CNGB3: variants seen among roughly 807,000 people sequenced by gnomAD.
The protein encoded by CNGB3 is cyclic nucleotide-gated channel beta-3.
In CNGB3, 86 loss-of-function variants were observed where a neutral mutation model predicts 92.8. The ratio of observed to expected loss-of-function variants is 0.93; its 90% CI spans 0.78 to 1.11. CNGB3 has a LOEUF of 1.11. Ranked by LOEUF, CNGB3 falls within the 50% of genes least tolerant of loss-of-function variation. The pLI, the probability that CNGB3 is intolerant of heterozygous loss-of-function variation, is 0.00. For synonymous variants in CNGB3, 333 were observed against 332.7 expected, an observed-to-expected ratio of 1.00 and a Z score of -0.01; for missense variants, 1,026 against 956.8, an observed-to-expected ratio of 1.07 and a Z score of -0.95.
At chr8:86,653,102 C>T (rs186183547) in intron 7 of CNGB3, among the ~76,000 whole-genome samples, 38 of 152,080 alleles carry the variant, frequency 2.5e-4, no homozygotes, top group Admixed American at 6.6e-4. Flanking sequence ...GGACCATCAC[C>T]ATATATGTGG....
Position 86,610,992 on chromosome 8 carries a change from TATG to T in CNGB3, c.1662+593_1662+595del, listed in dbSNP as rs372520496. Among the ~76,000 whole-genome samples, 324 of 152,334 alleles carry T rather than the reference TATG, an allele frequency of 2.1e-3. 1 individual carries two copies. Among genetic ancestry groups the T allele is most frequent in the South Asian group, 0.013 (65 of 4,830 alleles). ...AACATGTTTCAGAACATATGTACAG[TATG>T]ATGCCACTTTTATAGCACAAGCTTT... is the stretch of plus-strand genomic sequence containing the variant. On this transcript the variant is annotated intron_variant, in intron 14 of 17. Coordinates refer to ENST00000320005, the MANE Select transcript of CNGB3 (RefSeq NM_019098.5).
chr8:86,659,359 G>C, intron 6 of CNGB3: 1 of 981,746 alleles, frequency 1.0e-6, no homozygotes, highest in Non-Finnish European at 1.6e-6. Flanking sequence ...GCATCAGGGG[G>C]TTCACACTGG....
rs1013499315 is a variant in CNGB3 at position 86,728,291 on chromosome 8, C to A, written c.212-1634G>T. Among the ~76,000 whole-genome samples the A allele has an allele frequency of 2.6e-5, 4 of 152,008 alleles. No individual in the cohort carries two copies. In the East Asian group the frequency reaches 7.7e-4, roughly 29 times the overall value. On this transcript the variant is annotated intron_variant, in intron 2 of 17. Coordinates refer to ENST00000320005, the MANE Select transcript of CNGB3 (RefSeq NM_019098.5). ...AATATTGAAAGTTGTAGGATAGGGACCCTTCTGTACAGGCACATGTGGTAC... is the reference window on the plus strand; with the variant it reads ...AATATTGAAAGTTGTAGGATAGGGAACCTTCTGTACAGGCACATGTGGTAC...
chr8:86,711,683 C>T (rs1824752035), intron 3 of CNGB3, among the ~76,000 whole-genome samples: 1 of 152,076 alleles, frequency 6.6e-6, no homozygotes, highest in Non-Finnish European at 1.5e-5. Context: ...CATGTCTAAC[C>T]ACCTACCTGT....
intron 2 of CNGB3, among the ~76,000 whole-genome samples, chr8:86,734,088 T>G (rs369177777): frequency 6.6e-6 from 1 of 152,092 alleles, no homozygotes; most frequent in African/African-American, 2.4e-5. Context: ...CCCAGGCTGG[T>G]CTCAGGAAAT....
chr8:86,615,460 G>T lies in CNGB3; in HGVS notation c.1579-3789C>A, dbSNP rs1822600662. On this transcript the variant is annotated intron_variant, in intron 13 of 17. Transcript: ENST00000320005. ...TCTACTAAAAATACAAAAATTAGCT[G>T]GGCATGGTGACACGTGACTGTAATC... 2.6e-5 allele frequency among the ~76,000 whole-genome samples: 4 copies of T among 151,990 alleles called. No individual in the cohort carries two copies. The South Asian group carries it at 8.4e-4, about 32-fold the overall frequency.
intron 3 of CNGB3, among the ~76,000 whole-genome samples, chr8:86,695,425 C>T (rs1188345822): frequency 6.6e-6 from 1 of 152,092 alleles, no homozygotes; most frequent in Non-Finnish European, 1.5e-5. Flanking sequence ...CTCTGAAGTT[C>T]ATTCTTCTAC....
intron 15 of CNGB3, among the ~76,000 whole-genome samples, chr8:86,591,627 A>G (rs557980729): frequency 3.7e-4 from 56 of 152,194 alleles, no homozygotes; most frequent in South Asian, 2.7e-3. Flanking sequence ...CCCCTGCTGG[A>G]GGGTGCCTCC....
At position 86,739,681 on chromosome 8, in the gene CNGB3, G is replaced by A; in HGVS notation, c.185C>T (p.Ser62Phe). ...TTGTATGTTGGTGTGTGGCTCTTCA[G>A]ACGTGACTGGAGTTGACTTGGTTTT... ...SLKTKSTPVT[S>F]EEPHTNIQDK... is the part of the protein sequence containing the mutation. Residue 62 changes from serine (S) to phenylalanine (F), a missense_variant, in exon 2 of 18, where the codon TCT (serine) becomes TTT (phenylalanine). Physicochemically the swap from Ser to Phe is radical, Grantham distance 155 (BLOSUM62 -2). Coordinates refer to ENST00000320005, the MANE Select transcript of CNGB3 (RefSeq NM_019098.5). 6.2e-7 allele frequency: 1 copy of A among 1,605,242 alleles called. No individual in the cohort carries two copies. The highest frequency in any genetic ancestry group is 8.5e-7 in the Non-Finnish European group (1 of 1,177,684).
Position 86,587,256 on chromosome 8 carries a change from G to C in CNGB3, c.1782-8004C>G, listed in dbSNP as rs992443809. On this transcript the variant is annotated intron_variant, in intron 15 of 17. Coordinates refer to ENST00000320005, the MANE Select transcript of CNGB3 (RefSeq NM_019098.5). ...ATATTAGCCCTTTGTCAGATGAGTA[G>C]GTTGCAAAAATTTTCTCCCATTTTG... Among the ~76,000 whole-genome samples, 76 of 151,774 alleles carry C rather than the reference G, an allele frequency of 5.0e-4. 1 individual carries two copies. The highest frequency in any genetic ancestry group is 1.8e-3 in the African/African-American group (74 of 41,300).
rs1585940644 is a variant in CNGB3 at position 86,575,508 on chromosome 8, G to A, written c.*296C>T. On this transcript the variant is annotated 3_prime_UTR_variant, in exon 18 of 18. Coordinates refer to ENST00000320005, the MANE Select transcript of CNGB3 (RefSeq NM_019098.5). Reference sequence around the variant, plus strand: ...CAAGAGCAAGCTAATAAAACTGGAAGGAAGAGACATCATCAGGAAAGAACC... The same window carrying A: ...CAAGAGCAAGCTAATAAAACTGGAAAGAAGAGACATCATCAGGAAAGAACC... 2 of 280,880 alleles carry A rather than the reference G, an allele frequency of 7.1e-6. No homozygotes were observed. The highest frequency in any genetic ancestry group is 6.8e-5 in the East Asian group (1 of 14,742). 17.4% of individuals were successfully genotyped at this position (280,880 alleles called of 1,614,324 possible).
intron 6 of CNGB3, chr8:86,659,013 C>G: frequency 9.8e-7 from 1 of 1,022,364 alleles, no homozygotes; most frequent in Non-Finnish European, 1.5e-6. Flanking sequence ...CAGCTCCTTC[C>G]GCAGGTGCTC....
chr8:86,740,221 G>A (rs1825317678), intron 1 of CNGB3, among the ~76,000 whole-genome samples: 1 of 152,070 alleles, frequency 6.6e-6, no homozygotes, highest in Non-Finnish European at 1.5e-5. Flanking sequence ...TTCCTACAGG[G>A]GCAGAGTGAA....
At chr8:86,593,627 G>A in intron 15 of CNGB3, 1 of 471,650 alleles carries the variant, frequency 2.1e-6, no homozygotes, top group Non-Finnish European at 3.9e-6. Flanking sequence ...GCTATAAGGG[G>A]CGAGTGGGGT....
At chr8:86,665,480 C>T (rs764512703) in intron 6 of CNGB3, among the ~76,000 whole-genome samples, 38 of 152,092 alleles carry the variant, frequency 2.5e-4, no homozygotes, top group Non-Finnish European at 2.2e-4. Context: ...ATGTTCATCG[C>T]AGCATTATTC....
chr8:86,633,511 CAT>C (rs908728271), intron 10 of CNGB3, among the ~76,000 whole-genome samples: 5 of 152,210 alleles, frequency 3.3e-5, no homozygotes, highest in Non-Finnish European at 7.3e-5. Flanking sequence ...TGGATTTTTA[CAT>C]GAGAGCTGTT....
At chr8:86,583,137 G>A (rs180672740) in intron 15 of CNGB3, among the ~76,000 whole-genome samples, 49 of 152,242 alleles carry the variant, frequency 3.2e-4, no homozygotes, top group African/African-American at 1.0e-3. Context: ...TTGACCTCAG[G>A]TGATCTGCCC....
intron 15 of CNGB3, among the ~76,000 whole-genome samples, chr8:86,590,542 C>T (rs1169022463): frequency 2.6e-5 from 4 of 151,972 alleles, no homozygotes; most frequent in Admixed American, 2.6e-4. Context: ...CTGGTGGTGA[C>T]AAAATCTCTC....
At chr8:86,607,758 C>T (rs985088481) in intron 14 of CNGB3, among the ~76,000 whole-genome samples, 6 of 152,200 alleles carry the variant, frequency 3.9e-5, no homozygotes, top group Non-Finnish European at 7.3e-5. Flanking sequence ...CAGTCAATTT[C>T]TGAACCATCC....
Sources: allele counts gnomAD v4.1 joint callset (sites outside exome capture counted in the v4.1 genomes callset), GRCh38; gene constraint gnomAD v4.1.1; transcripts MANE v1.5; gene names NCBI Gene and HGNC (gene_info 2026-07-23, HGNC 2026-07-21).